The following DYM variants were observed in gnomAD, a reference collection of about 807,000 sequenced individuals.
DYM encodes the protein dyggve-Melchior-Clausen syndrome protein.
A neutral mutation model predicts 93.1 loss-of-function variants in DYM; 78 were observed. The observed-to-expected ratio is 0.84, with a 90% confidence interval of 0.70 to 1.01. The LOEUF (loss-of-function observed/expected upper bound fraction) is 1.01, where lower values mean the gene tolerates loss of function less well. Among genes scored for constraint, DYM ranks in the 50% least tolerant of loss-of-function variants. DYM has a pLI of 0.00. For missense variants in DYM, 789 were observed against 845.0 expected (o/e 0.93, Z 0.82); for synonymous variants, 321 against 319.7 (o/e 1.00, Z -0.04).
Position 49,323,289 on chromosome 18 carries a change from C to A in DYM, c.763+8575G>T, listed in dbSNP as rs548132243. 1.2e-3 allele frequency among the ~76,000 whole-genome samples: 178 copies of A among 152,252 alleles called. 2 individuals are homozygous for A. The highest frequency in any genetic ancestry group is 1.9e-3 in the Non-Finnish European group (129 of 68,008). On this transcript the variant is annotated intron_variant, in intron 8 of 17. Coordinates refer to ENST00000675505, the MANE Select transcript of DYM (RefSeq NM_001353214.3). ...TCCTCACCAACACCACTAAGCAGAG[C>A]TGTGGTTTAAGATAATGACTAGAGC...
chr18:49,391,691 A>T lies in DYM; in HGVS notation c.141-46T>A, dbSNP rs970397350. The T allele has an allele frequency of 2.7e-6, 4 of 1,470,546 alleles. No individual in the cohort carries two copies. The Admixed American group carries it at 6.7e-5, about 25-fold the overall frequency. 91.1% of individuals were successfully genotyped at this position (1,470,546 alleles called of 1,614,324 possible). ...AGGTAATTAATGACTATAATACTAA[A>T]TATGTACATGCTAATCAGTTAAAGA... On this transcript the variant is annotated intron_variant, in intron 2 of 17. Transcript: ENST00000675505.
chr18:49,086,599 A>T (rs1431297293), intron 17 of DYM, among the ~76,000 whole-genome samples: 2 of 152,158 alleles, frequency 1.3e-5, no homozygotes, highest in Non-Finnish European at 2.9e-5. Flanking sequence ...TAATATGTGG[A>T]ATCCTAATCT....
At chr18:49,429,063 T>C (rs2074572101) in intron 2 of DYM, among the ~76,000 whole-genome samples, 1 of 152,196 alleles carries the variant, frequency 6.6e-6, no homozygotes, top group Admixed American at 6.5e-5. Flanking sequence ...TCTGCATCCT[T>C]GCCTCTGCCA....
intron 15 of DYM, among the ~76,000 whole-genome samples, chr18:49,136,951 A>G (rs2058212131): frequency 6.6e-6 from 1 of 152,210 alleles, no homozygotes; most frequent in South Asian, 2.1e-4. Context: ...GGTAATGAAT[A>G]CACTATAACA....
At chr18:49,413,720 T>C (rs1040431318) in intron 2 of DYM, among the ~76,000 whole-genome samples, 14 of 152,228 alleles carry the variant, frequency 9.2e-5, no homozygotes, top group African/African-American at 3.1e-4. Context: ...TTTGAAGGCA[T>C]TATACTAGGC....
At chr18:49,306,623 G>T (rs1011582192) in intron 8 of DYM, among the ~76,000 whole-genome samples, 11 of 152,140 alleles carry the variant, frequency 7.2e-5, no homozygotes, top group African/African-American at 2.7e-4. Flanking sequence ...TACCAAAGTA[G>T]AACTTCAAAT....
intron 14 of DYM, among the ~76,000 whole-genome samples, chr18:49,170,677 G>A (rs1885174976): frequency 6.6e-6 from 1 of 151,130 alleles, no homozygotes; most frequent in African/African-American, 2.4e-5. Context: ...CTACTCAGGA[G>A]GCTGAGGCAG....
chr18:49,274,674 A>T (rs1270524313), intron 10 of DYM, among the ~76,000 whole-genome samples: 3 of 152,118 alleles, frequency 2.0e-5, no homozygotes, highest in Non-Finnish European at 4.4e-5. Flanking sequence ...TAGGCATCAC[A>T]GTGGGAGTAA....
At position 49,044,144 on chromosome 18, in the gene DYM, G is replaced by A; in HGVS notation, c.2086C>T (p.Pro696Ser). Residue 696 changes from proline (P) to serine (S), a missense_variant, in exon 18 of 18, where the codon CCC becomes TCC. This residue lies in a region of DYM where 114 missense variants were observed against 105.8 expected (regional missense o/e 1.08). Coordinates refer to ENST00000675505, the MANE Select transcript of DYM (RefSeq NM_001353214.3). ...EEEQPEEFFI[P>S]YVWSLVYNSA... ...TTGTAGACAAGAGACCAGACATAGG[G>A]GATAAAAAACTCCTCGGGCTGCTCC... The A allele has an allele frequency of 1.9e-6, 3 of 1,613,984 alleles. No individual in the cohort carries two copies. The highest frequency in any genetic ancestry group is 2.5e-6 in the Non-Finnish European group (3 of 1,179,984).
chr18:49,456,057 T>C lies in DYM; in HGVS notation c.-54+4341A>G, dbSNP rs150791380. On this transcript the variant is annotated intron_variant, in intron 1 of 17. Coordinates refer to ENST00000675505, the MANE Select transcript of DYM (RefSeq NM_001353214.3). ...CAGGCATATTCCTGTTCAACTAAGA[T>C]ATATTTAAGTCTCTAAGAGTGGACA... 1.8e-3 allele frequency among the ~76,000 whole-genome samples: 274 copies of C among 152,254 alleles called. 1 individual carries two copies. The highest frequency in any genetic ancestry group is 3.3e-3 in the Non-Finnish European group (224 of 68,012).
intron 8 of DYM, among the ~76,000 whole-genome samples, chr18:49,330,828 C>A (rs755589343): frequency 6.6e-6 from 1 of 152,194 alleles, no homozygotes; most frequent in African/African-American, 2.4e-5. Flanking sequence ...GTGTGGCACT[C>A]TTGGCAGGCT....
At chr18:49,080,883 C>CTGCAATCTCGGCACTTTG in intron 17 of DYM, among the ~76,000 whole-genome samples, 1 of 150,968 alleles carries the variant, frequency 6.6e-6, no homozygotes, top group South Asian at 2.1e-4. Flanking sequence ...CGGGCAGAGG[C>CTGCAATCTCGGCACTTTG]GCTCCCCACA....
At chr18:49,346,207 C>T (rs1264589982) in intron 6 of DYM, among the ~76,000 whole-genome samples, 1 of 151,876 alleles carries the variant, frequency 6.6e-6, no homozygotes, top group Admixed American at 6.6e-5. Context: ...CTCATAATGG[C>T]CAAAAAGTAA....
At chr18:49,283,759 T>C (rs180845178) in intron 9 of DYM, among the ~76,000 whole-genome samples, 1 of 152,346 alleles carries the variant, frequency 6.6e-6, no homozygotes, top group East Asian at 1.9e-4. Flanking sequence ...TTAACATTTC[T>C]AAAAGCTGTG....
chr18:49,230,184 T>C (rs995921142), intron 13 of DYM, among the ~76,000 whole-genome samples: 3 of 152,154 alleles, frequency 2.0e-5, no homozygotes, highest in Admixed American at 6.5e-5. Flanking sequence ...AAAGGGAAAT[T>C]TTCTACATGT....
chr18:49,325,267 C>T (rs949805993), intron 8 of DYM, among the ~76,000 whole-genome samples: 5 of 152,190 alleles, frequency 3.3e-5, no homozygotes, highest in Admixed American at 2.0e-4. Context: ...AAAACCCAGG[C>T]TACTGACCTC....
intron 11 of DYM, 49 bp downstream of exon 11, chr18:49,272,129 C>T: frequency 6.4e-7 from 1 of 1,562,420 alleles, no homozygotes; most frequent in Admixed American, 1.7e-5. Flanking sequence ...TACGTAGGGA[C>T]ATGTCTGTTC....
chr18:49,148,050 G>A (rs1196814964), intron 15 of DYM, among the ~76,000 whole-genome samples: 2 of 152,158 alleles, frequency 1.3e-5, no homozygotes, highest in African/African-American at 2.4e-5. Flanking sequence ...GTAGGGACAT[G>A]GATGAAGCTG....
chr18:49,077,027 G>C (rs756736517), intron 17 of DYM, among the ~76,000 whole-genome samples: 4 of 152,024 alleles, frequency 2.6e-5, no homozygotes, highest in Non-Finnish European at 5.9e-5. Context: ...TTTCCCTTTT[G>C]GCAATGTTTT....
Sources: allele counts gnomAD v4.1 joint callset (sites outside exome capture counted in the v4.1 genomes callset), GRCh38; gene constraint gnomAD v4.1.1; regional missense constraint gnomAD v4.1.1; transcripts MANE v1.5; gene names NCBI Gene and HGNC (gene_info 2026-07-23, HGNC 2026-07-21).